GALNT13: variants seen among roughly 807,000 people sequenced by gnomAD.
GALNT13 encodes UDP-GalNAc:polypeptide N-acetylgalactosaminyltransferase 13.
A neutral mutation model predicts 64.2 loss-of-function variants in GALNT13; 28 were observed. The observed-to-expected ratio is 0.44, with a 90% CI of 0.32 to 0.60. The LOEUF is 0.60. GALNT13 is among the 20% of genes least tolerant of loss of function. The pLI, the probability that GALNT13 is intolerant of heterozygous loss-of-function variation, is 0.05. For synonymous variants in GALNT13, 214 were observed against 224.6 expected, an observed-to-expected ratio of 0.95 and a Z score of 0.42; for missense variants, 577 against 669.8, an observed-to-expected ratio of 0.86 and a Z score of 1.53.
chr2:153,163,361 G>A, the GALNT13 span, among the ~76,000 whole-genome samples: 3 of 152,012 alleles, frequency 2.0e-5, no homozygotes, highest in South Asian at 2.1e-4. Context: ...TCTTGGTTTC[G>A]GTCTTTAAAC....
chr2:153,925,556 A>C (rs1690072424), intron 2 of GALNT13, among the ~76,000 whole-genome samples: 1 of 131,932 alleles, frequency 7.6e-6, no homozygotes, highest in Non-Finnish European at 1.6e-5. Flanking sequence ...TTTTGGTTCC[A>C]TATGAATTTT....
chr2:153,123,086 A>G, the GALNT13 span, among the ~76,000 whole-genome samples: 1 of 152,244 alleles, frequency 6.6e-6, no homozygotes, highest in Non-Finnish European at 1.5e-5. Flanking sequence ...ATACGAAGAT[A>G]CAGAAGACAC....
intron 4 of GALNT13, among the ~76,000 whole-genome samples, chr2:154,182,504 A>T (rs1686014860): frequency 6.6e-6 from 1 of 151,936 alleles, no homozygotes; most frequent in African/African-American, 2.4e-5. Context: ...TCCATGTGGA[A>T]TAATAAGCCA....
chr2:153,879,123 A>G lies in GALNT13; in HGVS notation c.-177+6820A>G, dbSNP rs1008046413. ...CTAATCTGCTTGTAGTATATCACTT[A>G]ACAGATTTATTTAACAAAACACAGC... is the stretch of plus-strand genomic sequence containing the variant. On this transcript the variant is annotated intron_variant, in intron 1 of 12. Coordinates refer to ENST00000392825, the MANE Select transcript of GALNT13 (RefSeq NM_052917.4). 2.6e-5 allele frequency among the ~76,000 whole-genome samples: 4 copies of G among 152,190 alleles called. No individual in the cohort carries two copies. The East Asian group carries it at 7.7e-4, about 29-fold the overall frequency.
At chr2:153,369,209 T>C in the GALNT13 span, among the ~76,000 whole-genome samples, 2 of 152,084 alleles carry the variant, frequency 1.3e-5, no homozygotes, top group Non-Finnish European at 2.9e-5. Flanking sequence ...GAGCTTTTTT[T>C]AGGAAAAATT....
the GALNT13 span, among the ~76,000 whole-genome samples, chr2:153,494,074 CA>C: frequency 1.4e-4 from 20 of 144,610 alleles, no homozygotes; most frequent in African/African-American, 2.0e-4. Context: ...ATAATTTTAG[CA>C]AAAAAAAAAT....
the GALNT13 span, among the ~76,000 whole-genome samples, chr2:153,537,357 T>G: frequency 1.3e-5 from 2 of 152,250 alleles, no homozygotes; most frequent in East Asian, 3.9e-4. Flanking sequence ...AGGCAAGAGC[T>G]TGAACTAAGG....
the GALNT13 span, among the ~76,000 whole-genome samples, chr2:153,083,122 C>A: frequency 6.6e-6 from 1 of 152,070 alleles, no homozygotes; most frequent in East Asian, 1.9e-4. Flanking sequence ...CCATCATGCC[C>A]AGTGAGTTTC....
At chr2:153,525,523 G>A in the GALNT13 span, among the ~76,000 whole-genome samples, 1 of 152,282 alleles carries the variant, frequency 6.6e-6, no homozygotes, top group Admixed American at 6.5e-5. Context: ...TGCTGCCTGA[G>A]CTCTACCTCC....
the GALNT13 span, among the ~76,000 whole-genome samples, chr2:153,069,109 AT>A: frequency 8.5e-5 from 13 of 152,240 alleles, no homozygotes; most frequent in South Asian, 2.7e-3. Flanking sequence ...TGTAGGAGAC[AT>A]TTGGGTGGTG....
At chr2:153,265,445 A>G in the GALNT13 span, among the ~76,000 whole-genome samples, 3 of 152,168 alleles carry the variant, frequency 2.0e-5, no homozygotes, top group Non-Finnish European at 4.4e-5. Context: ...TTCTACTGTG[A>G]CAGGGCAGCA....
At chr2:154,168,125 A>G (rs1443257603) in intron 4 of GALNT13, among the ~76,000 whole-genome samples, 1 of 152,122 alleles carries the variant, frequency 6.6e-6, no homozygotes, top group Non-Finnish European at 1.5e-5. Flanking sequence ...GAGCCTGGCC[A>G]ACGTGAAGTG....
the GALNT13 span, among the ~76,000 whole-genome samples, chr2:153,608,326 C>T: frequency 1.3e-5 from 2 of 152,108 alleles, no homozygotes; most frequent in Admixed American, 1.3e-4. Context: ...TCAAGTCCCA[C>T]AGCTTTTCTC....
chr2:153,748,737 G>A, the GALNT13 span, among the ~76,000 whole-genome samples: 1 of 151,916 alleles, frequency 6.6e-6, no homozygotes, highest in Admixed American at 6.6e-5. Flanking sequence ...TCTTCACTTT[G>A]TTGAGTGTAT....
intron 4 of GALNT13, among the ~76,000 whole-genome samples, chr2:154,233,689 A>G (rs1408421744): frequency 6.6e-6 from 1 of 152,146 alleles, no homozygotes; most frequent in South Asian, 2.1e-4. Context: ...CCTCTTGTGT[A>G]TGATGTTTCT....
the GALNT13 span, among the ~76,000 whole-genome samples, chr2:153,171,142 G>A: frequency 6.6e-6 from 1 of 152,230 alleles, no homozygotes; most frequent in East Asian, 1.9e-4. Context: ...ATCATGAGTG[G>A]TCTAAGCCAA....
At chr2:154,373,266 G>T (rs1472580520) in intron 9 of GALNT13, among the ~76,000 whole-genome samples, 1 of 152,082 alleles carries the variant, frequency 6.6e-6, no homozygotes, top group Non-Finnish European at 1.5e-5. Context: ...GAATTTAGTT[G>T]TGCTAGTAAC....
the GALNT13 span, among the ~76,000 whole-genome samples, chr2:153,525,304 G>C: frequency 6.6e-6 from 1 of 152,182 alleles, no homozygotes; most frequent in African/African-American, 2.4e-5. Flanking sequence ...CTTCAGGTGA[G>C]ACTCAGCACA....
Position 154,140,332 on chromosome 2 carries a change from T to A in GALNT13, c.143-5T>A. On this transcript the variant is annotated splice_polypyrimidine_tract_variant and splice_region_variant and intron_variant, in intron 3 of 12. Coordinates refer to ENST00000392825, the MANE Select transcript of GALNT13 (RefSeq NM_052917.4). Reference sequence around the variant, plus strand: ...TGTATGTCTGTATCTCTGTATGTCTTACAGCTGTTATTTCAAGAAACCAAG... The same window carrying A: ...TGTATGTCTGTATCTCTGTATGTCTAACAGCTGTTATTTCAAGAAACCAAG... 2 of 1,609,746 alleles carry A rather than the reference T, an allele frequency of 1.2e-6. No individual in the cohort carries two copies. Among genetic ancestry groups the A allele is most frequent in the Non-Finnish European group, 1.7e-6 (2 of 1,176,478 alleles).
Sources: allele counts gnomAD v4.1 joint callset (sites outside exome capture counted in the v4.1 genomes callset), GRCh38; gene constraint gnomAD v4.1.1; transcripts MANE v1.5; gene names NCBI Gene and HGNC (gene_info 2026-07-23, HGNC 2026-07-21).